Variants in FAM186B observed in about 807,000 individuals in gnomAD.
The protein encoded by FAM186B is protein FAM186B.
FAM186B carries 68 observed loss-of-function variants against 83.4 expected under a neutral mutation model. The observed-to-expected ratio is 0.81, with a 90% CI of 0.67 to 1.00. The LOEUF is 1.00. Among genes scored for constraint, FAM186B ranks in the 50% least tolerant of loss-of-function variants. The pLI, the probability that FAM186B is intolerant of heterozygous loss-of-function variation, is 0.00. For synonymous variants in FAM186B, 389 were observed against 422.0 expected (o/e 0.92, Z 0.96); for missense variants, 983 against 1,099.2 (o/e 0.89, Z 1.49).
chr12:49,609,500 C>A (rs144751367), upstream of FAM186B, among the ~76,000 whole-genome samples: 198 of 152,292 alleles, frequency 1.3e-3, no homozygotes, highest in South Asian at 0.011. Flanking sequence ...GGTGAAGAGG[C>A]ACCCTATCCA....
At chr12:49,585,371 A>G (rs371258909), downstream of FAM186B, among the ~76,000 whole-genome samples, 1 of 152,296 alleles carries the variant, frequency 6.6e-6, no homozygotes, top group East Asian at 1.9e-4. Context: ...AGGGGAGGGC[A>G]TAGCACTCAG....
chr12:49,596,141 A>G (rs1182725739), intron 5 of FAM186B, among the ~76,000 whole-genome samples: 1 of 152,178 alleles, frequency 6.6e-6, no homozygotes. Context: ...CTTTTGCCGA[A>G]GTATAGTTGT....
rs1165628289 is a variant in FAM186B at position 49,601,051 on chromosome 12, G to A, written c.589C>T (p.Gln197Ter). 1.9e-6 allele frequency: 3 copies of A among 1,613,182 alleles called. No homozygotes were observed. Among genetic ancestry groups the A allele is most frequent in the East Asian group, 4.5e-5 (2 of 44,884 alleles). The change falls in exon 4 of 7, where the codon CAG (glutamine) becomes TAG (stop). Residue 197 changes from glutamine (Q) to a stop codon, truncating the protein, a stop_gained. Transcript: ENST00000257894. LOFTEE classifies it high-confidence loss of function. ...PSHPQPLSPEQMLQDQHTMNT... is the reference protein window; with the variant it reads ...PSHPQPLSPE Reference sequence around the variant, plus strand: ...ATGGTATGCTGGTCCTGGAGCATCTGTTCTGGGCTTAGTGGCTGAGGATGG... The same window carrying A: ...ATGGTATGCTGGTCCTGGAGCATCTATTCTGGGCTTAGTGGCTGAGGATGG...
downstream of FAM186B, among the ~76,000 whole-genome samples, chr12:49,587,043 C>A (rs1367111197): frequency 6.6e-6 from 1 of 152,160 alleles, no homozygotes; most frequent in Non-Finnish European, 1.5e-5. Context: ...TTAAAAGAGC[C>A]TTGAGCCTCC....
chr12:49,608,507 A>C (rs890038927), upstream of FAM186B, among the ~76,000 whole-genome samples: 7 of 150,702 alleles, frequency 4.6e-5, no homozygotes, highest in Admixed American at 4.6e-4. Flanking sequence ...AAAAAAAAAA[A>C]CCAAAAACCT....
chr12:49,603,476 C>T (rs1939943869), intron 2 of FAM186B, 109 bp from the exon 3 acceptor site: 1 of 1,073,384 alleles, frequency 9.3e-7, no homozygotes, highest in African/African-American at 1.6e-5. Context: ...ATTGATTTTA[C>T]CTCTTACTAG....
upstream of FAM186B, among the ~76,000 whole-genome samples, chr12:49,607,153 CA>C (rs1259639397): frequency 6.6e-6 from 1 of 150,868 alleles, no homozygotes; most frequent in Non-Finnish European, 1.5e-5. Flanking sequence ...AAAGGAAGAA[CA>C]AAAAAACCCA....
In FAM186B at chr12:49,600,806, G is replaced by A; in HGVS notation, c.834C>T (p.His278=). 6.2e-7 allele frequency: 1 copy of A among 1,612,280 alleles called. No individual in the cohort carries two copies. ...CAAGGACCTCCATGAACTGCTGGAA[G>A]TGCAGCCTCTGGCTGCTGAGCTCTT... ...ATKELSSQRL[H]FQQFMEVLES... The change falls in exon 4 of 7, where the codon CAC becomes CAT. Residue 278 remains histidine (H), a synonymous_variant. Transcript: ENST00000257894. This position sits in a 1 kb window ranked among gnomAD's most constrained non-coding sequence, Gnocchi z 4.3.
Position 49,588,442 on chromosome 12 carries a change from C to T in FAM186B, c.2534+12G>A, listed in dbSNP as rs893124968. The stretch of plus-strand genomic sequence containing the variant: ...CATACAGCTGCTGCCCCCTCAGCTT[C>T]CCAGAACCTACCGGGCCATCTGCAG... On this transcript the variant is annotated intron_variant, in intron 6 of 6. Transcript: ENST00000257894. 3 of 1,607,178 alleles carry T rather than the reference C, an allele frequency of 1.9e-6. No individual in the cohort carries two copies. In the African/African-American group the frequency reaches 4.0e-5, roughly 21 times the overall value.
intron 1 of FAM186B, among the ~76,000 whole-genome samples, chr12:49,605,005 A>G (rs1301602892): frequency 2.6e-5 from 4 of 152,090 alleles, no homozygotes; most frequent in Non-Finnish European, 2.9e-5. Flanking sequence ...GCCTTTGGAC[A>G]TTTCCCCAAC....
chr12:49,599,540 C>T lies in FAM186B; in HGVS notation c.2100G>A (p.Met700Ile). 1 of 1,607,954 alleles carries T rather than the reference C, an allele frequency of 6.2e-7. No homozygotes were observed. ...ACTGCAGCCTGAGCGCGCCCAGCTC[C>T]ATGGTGGTGGTGGTGAGCTCCAGTG... ...SKALELTTTT[M>I]ELGALRLQYL... is the part of the protein sequence containing the mutation. Residue 700 changes from methionine to isoleucine, a missense_variant, in exon 4 of 7, where the codon ATG becomes ATA. Met to Ile is a conservative substitution (Grantham distance 10, BLOSUM62 1). Transcript: ENST00000257894.
At chr12:49,595,048 T>C (rs1257074447) in intron 5 of FAM186B, 1 of 223,578 alleles carries the variant, frequency 4.5e-6, no homozygotes, top group Non-Finnish European at 8.8e-6. Context: ...ACATTATTGT[T>C]AGGAAAATTC....
At chr12:49,586,169 G>C (rs1364187948), downstream of FAM186B, among the ~76,000 whole-genome samples, 1 of 152,216 alleles carries the variant, frequency 6.6e-6, no homozygotes, top group East Asian at 1.9e-4. Context: ...CCTTAGAAAG[G>C]GGAAGCTGTC....
chr12:49,610,698 G>C, the FAM186B span, among the ~76,000 whole-genome samples: 2 of 151,720 alleles, frequency 1.3e-5, no homozygotes, highest in African/African-American at 4.8e-5. Flanking sequence ...GCTGAGGCAG[G>C]AGAGTGGCGT....
At chr12:49,605,115 A>G in intron 1 of FAM186B, 1 of 1,234,896 alleles carries the variant, frequency 8.1e-7, no homozygotes, top group Non-Finnish European at 1.0e-6. Context: ...CCACACCACC[A>G]CGATGTGCCT....
rs1356298870 is a variant in FAM186B at position 49,601,118 on chromosome 12, G to A, written c.522C>T (p.Phe174=). ...GGCTTCTTCCCTGCCAGCCCTGCCA[G>A]AAGGTGCGTTTGGACACTGGGACAG... ...KKRSQVSKRT[F]WQGWQGRSPQ... Residue 174 remains phenylalanine, a synonymous_variant, in exon 4 of 7, where the codon TTC becomes TTT. Transcript: ENST00000257894. 6.4e-7 allele frequency: 1 copy of A among 1,568,744 alleles called. No homozygotes were observed. The highest frequency in any genetic ancestry group is 1.9e-5 in the Admixed American group (1 of 53,396).
the FAM186B span, among the ~76,000 whole-genome samples, chr12:49,614,607 TGAAAAA>T: frequency 6.6e-6 from 1 of 152,090 alleles, no homozygotes; most frequent in African/African-American, 2.4e-5. Flanking sequence ...AGGAAAGGGC[TGAAAAA>T]CTGACTATTG....
At chr12:49,598,662 C>T in intron 5 of FAM186B, 93 bp downstream of exon 5, 1 of 1,176,822 alleles carries the variant, frequency 8.5e-7, no homozygotes, top group Non-Finnish European at 1.2e-6. Context: ...CAGTCTCAGC[C>T]ACATCCCCAC....
chr12:49,617,302 T>C, the FAM186B span, among the ~76,000 whole-genome samples: 1 of 152,224 alleles, frequency 6.6e-6, no homozygotes, highest in Admixed American at 6.5e-5. Context: ...CCCAGCACTT[T>C]CGGAGGCCAG....
Sources: gnomAD v4.1 joint callset for allele counts (sites outside exome capture counted in the v4.1 genomes callset) on GRCh38, gnomAD v4.1.1 for gene constraint, Gnocchi (gnomAD v3.1) non-coding constraint, MANE v1.5 for transcripts, NCBI Gene and HGNC (gene_info 2026-07-23, HGNC 2026-07-21) for gene names.